The following WDR72 variants were observed in gnomAD, a reference collection of about 807,000 sequenced individuals.
WDR72 encodes the protein WD repeat domain 72.
Under a neutral mutation model 124.2 loss-of-function variants are expected in WDR72, and 120 were observed. The ratio of observed to expected loss-of-function variants is 0.97; its 90% confidence interval spans 0.83 to 1.12. The LOEUF is 1.12. Ranked by LOEUF, WDR72 falls within the 50% of genes most tolerant of loss-of-function variation. WDR72 has a pLI of 0.00. For synonymous variants in WDR72, 452 were observed against 441.7 expected, an observed-to-expected ratio of 1.02 and a Z score of -0.29; for missense variants, 1,387 against 1,278.8, an observed-to-expected ratio of 1.08 and a Z score of -1.29.
intron 17 of WDR72, among the ~76,000 whole-genome samples, chr15:53,606,683 AAGG>A: frequency 6.6e-6 from 1 of 152,190 alleles, no homozygotes; most frequent in East Asian, 1.9e-4. Context: ...AGACTTCTTT[AAGG>A]AGATCGATTT....
chr15:53,577,160 C>T (rs1039276050), intron 18 of WDR72, among the ~76,000 whole-genome samples: 1 of 152,144 alleles, frequency 6.6e-6, no homozygotes, highest in African/African-American at 2.4e-5. Flanking sequence ...CAGTACCTGC[C>T]TCACAAAATT....
chr15:53,611,358 C>T (rs937480753), intron 16 of WDR72, among the ~76,000 whole-genome samples: 6 of 152,056 alleles, frequency 3.9e-5, no homozygotes, highest in Non-Finnish European at 7.4e-5. Flanking sequence ...GCTGCTTAGG[C>T]TTTTTGCTGG....
chr15:53,629,336 T>A (rs1906410), intron 14 of WDR72, among the ~76,000 whole-genome samples: 50,722 of 151,868 alleles, frequency 0.33, 10,252 homozygotes, highest in Middle Eastern at 0.58. Context: ...CTCAGAAAGA[T>A]AGCTACAAAT....
intron 18 of WDR72, among the ~76,000 whole-genome samples, chr15:53,588,896 G>T (rs1324060513): frequency 6.6e-6 from 1 of 151,892 alleles, no homozygotes; most frequent in Non-Finnish European, 1.5e-5. Flanking sequence ...TGCAAAGAGG[G>T]CTCTGTGTCA....
intron 16 of WDR72, among the ~76,000 whole-genome samples, chr15:53,610,548 C>T (rs2013495129): frequency 6.7e-6 from 1 of 149,878 alleles, no homozygotes; most frequent in African/African-American, 2.5e-5. Flanking sequence ...TCATCAAATC[C>T]CTATTTTTAT....
intron 1 of WDR72, among the ~76,000 whole-genome samples, chr15:53,757,655 TA>T (rs34907572): frequency 7.5e-6 from 1 of 133,476 alleles, no homozygotes; most frequent in Non-Finnish European, 1.7e-5. Flanking sequence ...AATTAAAAAT[TA>T]AAAAAAAGAA....
In WDR72 at chr15:53,516,818, A is replaced by C. The variant is rs1891487664; in HGVS notation, c.*881T>G. 1 of 152,150 alleles carries C rather than the reference A, an allele frequency of 6.6e-6. No homozygotes were observed. Among genetic ancestry groups the C allele is most frequent in the Non-Finnish European group, 1.5e-5 (1 of 67,998 alleles). The allele number at this position is 152,150 out of a possible 1,614,324, so 9.4% of individuals were successfully genotyped here. ...CTGTACAATATAAATCATAGTAAATAGATCACCAAAGGCTTTAATAGAAGA... is the reference window on the plus strand; with the variant it reads ...CTGTACAATATAAATCATAGTAAATCGATCACCAAAGGCTTTAATAGAAGA... On this transcript the variant is annotated 3_prime_UTR_variant, in exon 20 of 20. Coordinates refer to ENST00000360509, the MANE Select transcript of WDR72 (RefSeq NM_182758.4).
chr15:53,562,320 C>T (rs759308187), intron 18 of WDR72, among the ~76,000 whole-genome samples: 2 of 151,742 alleles, frequency 1.3e-5, no homozygotes, highest in Non-Finnish European at 2.9e-5. Context: ...AATTGCCCCC[C>T]ACCCCAATTA....
intron 12 of WDR72, among the ~76,000 whole-genome samples, chr15:53,700,264 A>G (rs2017131563): frequency 6.6e-6 from 1 of 152,228 alleles, no homozygotes; most frequent in Non-Finnish European, 1.5e-5. Context: ...AATGCAGAAT[A>G]AAATAAACCC....
At chr15:53,637,882 A>C (rs1171447687) in intron 14 of WDR72, among the ~76,000 whole-genome samples, 1 of 152,156 alleles carries the variant, frequency 6.6e-6, no homozygotes, top group Non-Finnish European at 1.5e-5. Flanking sequence ...TCTAGGAAAT[A>C]TATTTTCTGG....
chr15:53,704,389 C>T (rs1276828979), intron 11 of WDR72, among the ~76,000 whole-genome samples: 1 of 152,070 alleles, frequency 6.6e-6, no homozygotes, highest in Admixed American at 6.6e-5. Flanking sequence ...TGCTTGTACA[C>T]ACATAGAAAA....
chr15:53,673,384 G>A (rs923799891), intron 13 of WDR72, among the ~76,000 whole-genome samples: 2 of 152,068 alleles, frequency 1.3e-5, no homozygotes, highest in African/African-American at 4.8e-5. Flanking sequence ...AGGAAATTAA[G>A]ACTAAACAAC....
chr15:53,731,084 TA>T (rs1307273872), intron 2 of WDR72, among the ~76,000 whole-genome samples: 1 of 152,180 alleles, frequency 6.6e-6, no homozygotes. Context: ...TTTGTGTAAT[TA>T]ACTTTTGCAC....
chr15:53,602,722 C>T (rs955660481), intron 17 of WDR72, among the ~76,000 whole-genome samples: 1 of 151,864 alleles, frequency 6.6e-6, no homozygotes, highest in Non-Finnish European at 1.5e-5. Flanking sequence ...TACACGTGAC[C>T]TAGAAAATCT....
intron 2 of WDR72, among the ~76,000 whole-genome samples, chr15:53,728,501 A>G (rs1168039675): frequency 1.3e-5 from 2 of 152,206 alleles, no homozygotes; most frequent in African/African-American, 4.8e-5. Context: ...TGAAGCTCAA[A>G]GAATATAAGT....
intron 1 of WDR72, among the ~76,000 whole-genome samples, chr15:53,740,307 A>ATTTTTTTTTTTTTTTTTTTTT (rs57166942): frequency 7.5e-6 from 1 of 132,598 alleles, no homozygotes; most frequent in African/African-American, 3.0e-5. Flanking sequence ...GATTCAACTA[A>ATTTTTTTTTTTTTTTTTTTTT]TTTTTTTTTT....
At position 53,710,850 on chromosome 15, in the gene WDR72, G is replaced by T; in HGVS notation, c.954+7C>A. 2 of 1,602,822 alleles carry T rather than the reference G, an allele frequency of 1.2e-6. No individual in the cohort carries two copies. Among genetic ancestry groups the T allele is most frequent in the Non-Finnish European group, 1.7e-6 (2 of 1,169,836 alleles). On this transcript the variant is annotated splice_region_variant and intron_variant, in intron 9 of 19. Coordinates refer to ENST00000360509, the MANE Select transcript of WDR72 (RefSeq NM_182758.4). ...GCTTTGAGGCAGTCACTCTTTTCTTGCATTACCTTATTTTCCTGCACAGAA... is the reference window on the plus strand; with the variant it reads ...GCTTTGAGGCAGTCACTCTTTTCTTTCATTACCTTATTTTCCTGCACAGAA...
intron 14 of WDR72, among the ~76,000 whole-genome samples, chr15:53,643,878 A>C (rs2014946611): frequency 6.6e-6 from 1 of 152,144 alleles, no homozygotes; most frequent in Non-Finnish European, 1.5e-5. Context: ...ATATCATCTA[A>C]TTTAATTTTA....
intron 1 of WDR72, among the ~76,000 whole-genome samples, chr15:53,756,124 C>T (rs75399779): frequency 0.041 from 6,190 of 152,238 alleles, 429 homozygotes; most frequent in African/African-American, 0.14. Context: ...TCTCATCTTG[C>T]AGTTCCCATA....
Sources: allele counts gnomAD v4.1 joint callset (sites outside exome capture counted in the v4.1 genomes callset), GRCh38; gene constraint gnomAD v4.1.1; transcripts MANE v1.5; gene names NCBI Gene and HGNC (gene_info 2026-07-23, HGNC 2026-07-21).